FAM163A: variants seen among roughly 807,000 people sequenced by gnomAD.
The protein encoded by FAM163A is family with sequence similarity 163 member A, also known as protein FAM163A.
FAM163A carries 7 observed loss-of-function variants against 12.0 expected under a neutral mutation model. The ratio of observed to expected loss-of-function variants is 0.58; its 90% confidence interval spans 0.33 to 1.10. The LOEUF (loss-of-function observed/expected upper bound fraction) is 1.10. FAM163A is among the 50% of genes least tolerant of loss of function. The pLI, the probability that FAM163A is intolerant of heterozygous loss-of-function variation, is 0.03. For synonymous variants in FAM163A, 101 were observed against 91.0 expected (o/e 1.11, Z -0.62); for missense variants, 202 against 218.6 (o/e 0.92, Z 0.48).
intron 1 of FAM163A, among the ~76,000 whole-genome samples, chr1:179,751,674 C>A (rs1685291373): frequency 6.6e-6 from 1 of 151,958 alleles, no homozygotes; most frequent in South Asian, 2.1e-4. Flanking sequence ...CCAGTGTATT[C>A]TCTAGCAAGC....
At chr1:179,737,149 A>G in the FAM163A span, among the ~76,000 whole-genome samples, 1 of 152,220 alleles carries the variant, frequency 6.6e-6, no homozygotes, top group Non-Finnish European at 1.5e-5. Flanking sequence ...TATTGTATAT[A>G]AATACAAGGA....
intron 1 of FAM163A, among the ~76,000 whole-genome samples, chr1:179,793,497 T>G (rs2148265275): frequency 6.6e-6 from 1 of 152,294 alleles, no homozygotes; most frequent in Non-Finnish European, 1.5e-5. Flanking sequence ...GAGAAAAGCG[T>G]ACGTGCTCAT....
intron 1 of FAM163A, among the ~76,000 whole-genome samples, chr1:179,759,316 A>G (rs1372232553): frequency 6.6e-6 from 1 of 152,120 alleles, no homozygotes; most frequent in Admixed American, 6.5e-5. Flanking sequence ...TTGAGAGGAT[A>G]AACAGTATTA....
chr1:179,795,961 T>A (rs1692244001), intron 1 of FAM163A, among the ~76,000 whole-genome samples: 1 of 150,376 alleles, frequency 6.6e-6, no homozygotes, highest in South Asian at 2.1e-4. Flanking sequence ...TCTTTCTCTA[T>A]TATTATTATT....
chr1:179,749,485 T>G (rs954697290), intron 1 of FAM163A, among the ~76,000 whole-genome samples: 3 of 152,216 alleles, frequency 2.0e-5, no homozygotes, highest in African/African-American at 7.2e-5. Context: ...TCTCAAAAAC[T>G]TGTTTATGTC....
At chr1:179,792,242 C>T (rs1426928769) in intron 1 of FAM163A, among the ~76,000 whole-genome samples, 1 of 151,700 alleles carries the variant, frequency 6.6e-6, no homozygotes, top group Non-Finnish European at 1.5e-5. Flanking sequence ...GCCTCAGCCT[C>T]CTGAGTAGCT....
intron 4 of FAM163A, among the ~76,000 whole-genome samples, 196 bp downstream of exon 4, chr1:179,813,386 G>C (rs1694968511): frequency 6.6e-6 from 1 of 152,206 alleles, no homozygotes; most frequent in South Asian, 2.1e-4. Flanking sequence ...TGCCCACTCA[G>C]AGCACACAGA....
chr1:179,796,276 A>T (rs1004934168), intron 1 of FAM163A, among the ~76,000 whole-genome samples: 1 of 151,934 alleles, frequency 6.6e-6, no homozygotes, highest in Non-Finnish European at 1.5e-5. Context: ...CTGAATTCCT[A>T]CTTTCTTTGG....
intron 1 of FAM163A, among the ~76,000 whole-genome samples, chr1:179,803,312 G>A (rs1488447316): frequency 6.6e-6 from 1 of 152,204 alleles, no homozygotes; most frequent in Admixed American, 6.5e-5. Context: ...GGAGCAGGGG[G>A]CAGTCGATGG....
intron 1 of FAM163A, among the ~76,000 whole-genome samples, chr1:179,789,952 A>G (rs1221444468): frequency 1.3e-5 from 2 of 152,216 alleles, no homozygotes; most frequent in African/African-American, 4.8e-5. Flanking sequence ...TGTTTTATGT[A>G]GTGGGCAATA....
chr1:179,735,822 A>T, the FAM163A span, among the ~76,000 whole-genome samples: 90 of 152,126 alleles, frequency 5.9e-4, no homozygotes, highest in African/African-American at 1.6e-3. Context: ...ACATTCTAAG[A>T]CAGGGTGGAT....
At chr1:179,734,065 C>G in the FAM163A span, among the ~76,000 whole-genome samples, 1 of 152,256 alleles carries the variant, frequency 6.6e-6, no homozygotes, top group South Asian at 2.1e-4. Flanking sequence ...AATGTTTTTG[C>G]AGCAAAATGA....
At chr1:179,781,928 C>T (rs1258389560) in intron 1 of FAM163A, among the ~76,000 whole-genome samples, 3 of 102,352 alleles carry the variant, frequency 2.9e-5, no homozygotes, top group African/African-American at 4.2e-5. Flanking sequence ...AGCAAGAATC[C>T]GTATCAAAAA....
chr1:179,732,676 G>A, the FAM163A span, among the ~76,000 whole-genome samples: 2 of 151,856 alleles, frequency 1.3e-5, no homozygotes, highest in Non-Finnish European at 2.9e-5. Flanking sequence ...GAGCTCAGGG[G>A]CGGAGACCAA....
chr1:179,769,119 G>T (rs1687912113), intron 1 of FAM163A, among the ~76,000 whole-genome samples: 2 of 152,030 alleles, frequency 1.3e-5, no homozygotes, highest in African/African-American at 4.8e-5. Flanking sequence ...CTCTACTTTT[G>T]AATATGTTTG....
intron 1 of FAM163A, among the ~76,000 whole-genome samples, chr1:179,765,221 C>A (rs79102559): frequency 9.2e-5 from 14 of 152,272 alleles, no homozygotes; most frequent in Non-Finnish European, 1.5e-4. Context: ...GGATGGCAGG[C>A]GGGTGGGATG....
At chr1:179,742,969 TCC>T (rs375707355), upstream of FAM163A, among the ~76,000 whole-genome samples, 11 of 152,294 alleles carry the variant, frequency 7.2e-5, no homozygotes, top group East Asian at 1.4e-3. Flanking sequence ...CACACCCTGG[TCC>T]CTAAGATTCT....
chr1:179,810,502 T>G (rs901844898), intron 2 of FAM163A, among the ~76,000 whole-genome samples: 4 of 152,188 alleles, frequency 2.6e-5, no homozygotes, highest in Admixed American at 2.0e-4. Context: ...TCGCAGTTCC[T>G]GGAACTGTTT....
chr1:179,776,916 G>A (rs923881716), intron 1 of FAM163A, among the ~76,000 whole-genome samples: 3 of 152,120 alleles, frequency 2.0e-5, no homozygotes, highest in African/African-American at 7.2e-5. Flanking sequence ...TCCCCAAGCT[G>A]TACCCTGTCT....
Sources: allele counts gnomAD v4.1 joint callset (sites outside exome capture counted in the v4.1 genomes callset), GRCh38; gene constraint gnomAD v4.1.1; transcripts MANE v1.5; gene names NCBI Gene and HGNC (gene_info 2026-07-23, HGNC 2026-07-21).